FSTL4: variants seen among roughly 807,000 people sequenced by gnomAD.
FSTL4 encodes the protein follistatin like 4.
Under a neutral mutation model 78.2 loss-of-function variants are expected in FSTL4, and 28 were observed. The observed-to-expected ratio is 0.36, with a 90% CI of 0.27 to 0.49. The LOEUF is 0.49. Ranked by LOEUF, FSTL4 falls within the 20% of genes least tolerant of loss-of-function variation. FSTL4 has a pLI of 0.98. For missense variants in FSTL4, 922 were observed against 1,084.9 expected, an observed-to-expected ratio of 0.85 and a Z score of 2.11; for synonymous variants, 422 against 440.5, an observed-to-expected ratio of 0.96 and a Z score of 0.53.
At chr5:133,339,916 G>A (rs1754546660) in intron 4 of FSTL4, among the ~76,000 whole-genome samples, 1 of 152,196 alleles carries the variant, frequency 6.6e-6, no homozygotes, top group Admixed American at 6.5e-5. Flanking sequence ...TTCAGAGATG[G>A]GGAAGGGAGC....
At chr5:133,394,095 G>C (rs1461209413) in intron 4 of FSTL4, among the ~76,000 whole-genome samples, 2 of 152,270 alleles carry the variant, frequency 1.3e-5, no homozygotes, top group Non-Finnish European at 2.9e-5. Context: ...GGCTCTGCCT[G>C]TGTGACTTGG....
At chr5:133,597,568 T>C (rs982137281) in intron 2 of FSTL4, among the ~76,000 whole-genome samples, 2 of 152,238 alleles carry the variant, frequency 1.3e-5, no homozygotes, top group Non-Finnish European at 2.9e-5. Flanking sequence ...AACTCATAAA[T>C]GCTCATTTTC....
intron 3 of FSTL4, among the ~76,000 whole-genome samples, chr5:133,505,695 T>G (rs1421662637): frequency 6.6e-6 from 1 of 152,258 alleles, no homozygotes; most frequent in Non-Finnish European, 1.5e-5. Context: ...TCCCTACAGC[T>G]GCCCAATTTT....
chr5:133,798,950 A>AAGGGAGGGAGGGAGGG, the FSTL4 span, among the ~76,000 whole-genome samples: 5 of 81,606 alleles, frequency 6.1e-5, no homozygotes, highest in African/African-American at 3.8e-4. Context: ...GAGGATAAGG[A>AAGGGAGGGAGGGAGGG]AGGGAGGGAG....
chr5:133,497,462 T>TCTCCATGCATGGCACCCAGCCTACACAC, intron 3 of FSTL4, among the ~76,000 whole-genome samples: 5 of 152,230 alleles, frequency 3.3e-5, no homozygotes, highest in African/African-American at 1.2e-4. Context: ...ATTTTTGCTG[T>TCTCCATGCATGGCACCCAGCCTACACAC]TGTTTGCCTG....
At chr5:133,422,732 T>C (rs1313517212) in intron 3 of FSTL4, among the ~76,000 whole-genome samples, 1 of 152,132 alleles carries the variant, frequency 6.6e-6, no homozygotes, top group African/African-American at 2.4e-5. Context: ...TAGAAAACAG[T>C]GTCATCCTAC....
chr5:133,418,210 C>T (rs142421206), intron 3 of FSTL4, among the ~76,000 whole-genome samples: 1,600 of 151,564 alleles, frequency 0.011, 28 homozygotes, highest in African/African-American at 0.036. Flanking sequence ...CTTAGCAAGT[C>T]TGATCAAGAA....
chr5:133,456,964 A>G (rs1453174599), intron 3 of FSTL4, among the ~76,000 whole-genome samples: 1 of 152,188 alleles, frequency 6.6e-6, no homozygotes, highest in Non-Finnish European at 1.5e-5. Context: ...ATCTCTACAC[A>G]GTACAGGAAC....
the FSTL4 span, among the ~76,000 whole-genome samples, chr5:133,687,204 G>A: frequency 7.5e-6 from 1 of 133,884 alleles, no homozygotes; most frequent in African/African-American, 2.7e-5. Flanking sequence ...GCCACTGAGA[G>A]GCTAAATAGG....
chr5:133,569,903 A>G (rs1270786845), intron 2 of FSTL4, among the ~76,000 whole-genome samples: 2 of 152,112 alleles, frequency 1.3e-5, no homozygotes, highest in Admixed American at 6.6e-5. Context: ...CCAATCTCAT[A>G]TTTTTCTTAT....
At chr5:133,339,535 T>A (rs1001020964) in intron 4 of FSTL4, among the ~76,000 whole-genome samples, 12 of 152,040 alleles carry the variant, frequency 7.9e-5, no homozygotes, top group African/African-American at 2.9e-4. Context: ...CCTCCCACCA[T>A]CGACATGAGC....
chr5:133,401,199 C>T (rs1431656543), intron 3 of FSTL4, among the ~76,000 whole-genome samples: 4 of 152,210 alleles, frequency 2.6e-5, no homozygotes, highest in Non-Finnish European at 5.9e-5. Context: ...TTGCAGAGCT[C>T]AGGTTTCATG....
the FSTL4 span, among the ~76,000 whole-genome samples, chr5:133,734,701 T>C: frequency 6.6e-6 from 1 of 152,232 alleles, no homozygotes; most frequent in Non-Finnish European, 1.5e-5. Flanking sequence ...TGGTGAGCCC[T>C]TTCAATTTGT....
intron 3 of FSTL4, among the ~76,000 whole-genome samples, chr5:133,543,121 G>A: frequency 6.6e-6 from 1 of 152,096 alleles, no homozygotes; most frequent in Non-Finnish European, 1.5e-5. Flanking sequence ...TGCCATCAGA[G>A]CTCACTGCAG....
chr5:133,828,984 C>G, the FSTL4 span, among the ~76,000 whole-genome samples: 622 of 152,250 alleles, frequency 4.1e-3, 7 homozygotes, highest in African/African-American at 0.014. Context: ...CAGAGGGGAG[C>G]ATGGAAACAC....
At chr5:133,471,923 G>A (rs1034796844) in intron 3 of FSTL4, among the ~76,000 whole-genome samples, 17 of 152,172 alleles carry the variant, frequency 1.1e-4, no homozygotes, top group Non-Finnish European at 2.5e-4. Context: ...CTCACATACA[G>A]GGTGTGAGTA....
the FSTL4 span, among the ~76,000 whole-genome samples, chr5:133,694,978 G>T: frequency 6.6e-6 from 1 of 152,088 alleles, no homozygotes; most frequent in Non-Finnish European, 1.5e-5. Flanking sequence ...CATACAAATT[G>T]GGACTGAATA....
chr5:133,488,665 T>A (rs1256526949), intron 3 of FSTL4, among the ~76,000 whole-genome samples: 2 of 152,224 alleles, frequency 1.3e-5, no homozygotes, highest in Non-Finnish European at 2.9e-5. Context: ...CTATTAAAAA[T>A]GTAGATTTGG....
chr5:133,400,178 A>G lies in FSTL4; in HGVS notation c.409+560T>C, dbSNP rs1298614335. On this transcript the variant is annotated intron_variant, in intron 4 of 15. Coordinates refer to ENST00000265342, the MANE Select transcript of FSTL4 (RefSeq NM_015082.2). ...GCCTAAAGCATGAATCCTTGGCCCC[A>G]GCTCCACAGACATGTTCTGATGTCC... Among the ~76,000 whole-genome samples, 4 of 152,214 alleles carry G rather than the reference A, an allele frequency of 2.6e-5. No individual in the cohort carries two copies. The South Asian group carries it at 6.2e-4, about 24-fold the overall frequency.
Sources: allele counts gnomAD v4.1 joint callset (sites outside exome capture counted in the v4.1 genomes callset), GRCh38; gene constraint gnomAD v4.1.1; transcripts MANE v1.5; gene names NCBI Gene and HGNC (gene_info 2026-07-23, HGNC 2026-07-21).